The following WHAMM variants were observed in gnomAD, a reference collection of about 807,000 sequenced individuals.
The protein encoded by WHAMM is WASP homolog-associated protein with actin, membranes and microtubules.
WHAMM carries 67 observed loss-of-function variants against 76.5 expected under a neutral mutation model. That is an observed-to-expected ratio of 0.88 (90% confidence interval 0.72 to 1.07). The LOEUF (loss-of-function observed/expected upper bound fraction) is 1.07, where lower values mean the gene tolerates loss of function less well. WHAMM is among the 50% of genes least tolerant of loss of function. The pLI is 0.00. For missense variants in WHAMM, 1,021 were observed against 1,051.1 expected, an observed-to-expected ratio of 0.97 and a Z score of 0.40; for synonymous variants, 419 against 422.1, an observed-to-expected ratio of 0.99 and a Z score of 0.09.
At chr15:82,814,603 A>G (rs2050687731) in intron 2 of WHAMM, among the ~76,000 whole-genome samples, 1 of 151,200 alleles carries the variant, frequency 6.6e-6, no homozygotes, top group South Asian at 2.1e-4. Flanking sequence ...GGCATGTGCC[A>G]CCACGCCCAG....
At chr15:82,832,840 A>C (rs1301175460) in intron 9 of WHAMM, among the ~76,000 whole-genome samples, 1 of 152,210 alleles carries the variant, frequency 6.6e-6, no homozygotes, top group East Asian at 1.9e-4. Flanking sequence ...AAGGAGATAC[A>C]GCTTCAGAGG....
chr15:82,811,913 T>G (rs1234661783), intron 1 of WHAMM, among the ~76,000 whole-genome samples: 1 of 152,220 alleles, frequency 6.6e-6, no homozygotes, highest in Admixed American at 6.5e-5. Flanking sequence ...TAGATCACTT[T>G]ATCCTTAAGC....
At position 82,830,723 on chromosome 15, in the gene WHAMM, C is replaced by A; in HGVS notation, c.1766C>A (p.Ser589Tyr). The A allele has an allele frequency of 1.2e-6, 2 of 1,613,976 alleles. No homozygotes were observed. Among genetic ancestry groups the A allele is most frequent in the Non-Finnish European group, 1.7e-6 (2 of 1,179,898 alleles). Residue 589 changes from serine (S) to tyrosine (Y), a missense_variant, in exon 9 of 10, where the codon TCC (serine) becomes TAC (tyrosine). Physicochemically the swap from Ser to Tyr is moderately radical, Grantham distance 144. Around this residue, in one of 3 missense-constraint regions of WHAMM, gnomAD observed 509 missense variants for 492.3 expected, o/e 1.03. Transcript: ENST00000286760. ...CACGCGGTGTCAGTAATTCACCCGTCCTCTAGGAAAACTAGAGGTGTTCCC... is the reference window on the plus strand; with the variant it reads ...CACGCGGTGTCAGTAATTCACCCGTACTCTAGGAAAACTAGAGGTGTTCCC... ...ASHAVSVIHP[S>Y]SRKTRGVPLS...
intron 9 of WHAMM, 143 bp from the exon 10 acceptor site, chr15:82,833,086 A>T: frequency 1.0e-6 from 1 of 992,040 alleles, no homozygotes. Context: ...GTTAGCACGT[A>T]ATCAAGGCAT....
chr15:82,825,788 C>CA (rs531453908), intron 6 of WHAMM, among the ~76,000 whole-genome samples: 1,749 of 107,462 alleles, frequency 0.016, 18 homozygotes, highest in African/African-American at 0.052. Context: ...AACTCAGTCT[C>CA]AAAAAAAAAA....
intron 1 of WHAMM, among the ~76,000 whole-genome samples, chr15:82,812,005 G>A (rs1300031118): frequency 6.6e-6 from 1 of 152,104 alleles, no homozygotes; most frequent in African/African-American, 2.4e-5. Context: ...CTTCTTCTGG[G>A]AGTAAAATAA....
chr15:82,833,264 G>A lies in WHAMM; in HGVS notation c.2158G>A (p.Gly720Ser), dbSNP rs762305261. The change falls in exon 10 of 10, where the codon GGC becomes AGC. Residue 720 changes from glycine to serine, a missense_variant. Gly to Ser is a moderately conservative substitution (Grantham distance 56). Around this residue, in one of 3 missense-constraint regions of WHAMM, gnomAD observed 509 missense variants for 492.3 expected, o/e 1.03. Transcript: ENST00000286760. ...TGAAGTGTTGGCCTCCTTAAGGCAT[G>A]GCAGAGCTCCTCTCCGGAAGGTGGA... ...MDEVLASLRH[G>S]RAPLRKVEVP... 223 of 1,613,858 alleles carry A rather than the reference G, an allele frequency of 1.4e-4. No homozygotes were observed. Among genetic ancestry groups the A allele is most frequent in the Middle Eastern group, 3.3e-4 (2 of 6,084 alleles).
chr15:82,815,155 A>ATATATAAAAT (rs55807384), intron 2 of WHAMM, among the ~76,000 whole-genome samples: 11 of 46,136 alleles, frequency 2.4e-4, no homozygotes, highest in Admixed American at 2.2e-3. Flanking sequence ...ATATATATAT[A>ATATATAAAAT]GTACAATTCA....
At position 82,823,170 on chromosome 15, in the gene WHAMM, G is replaced by T. The variant is rs769031924; in HGVS notation, c.1341G>T (p.Val447=). The change falls in exon 6 of 10, where the codon GTG becomes GTT. Residue 447 remains valine (V), a synonymous_variant. Coordinates refer to ENST00000286760, the MANE Select transcript of WHAMM (RefSeq NM_001080435.3). ...NPEELKVIDC[V]VGLQDDKNLE... The stretch of plus-strand genomic sequence containing the variant: ...AGGAACTTAAAGTCATTGACTGTGT[G>T]GTGGGGCTGCAGGATGATAAGAATT... The T allele has an allele frequency of 1.3e-6, 2 of 1,569,514 alleles. No homozygotes were observed. Among genetic ancestry groups the T allele is most frequent in the Non-Finnish European group, 1.7e-6 (2 of 1,154,410 alleles).
At chr15:82,832,309 A>G (rs2151575141) in intron 9 of WHAMM, among the ~76,000 whole-genome samples, 1 of 152,344 alleles carries the variant, frequency 6.6e-6, no homozygotes, top group East Asian at 1.9e-4. Context: ...AAGAAGGTAT[A>G]AGTTTAAATC....
intron 5 of WHAMM, 41 bp downstream of exon 5, chr15:82,819,529 AT>A (rs747586222): frequency 5.4e-5 from 56 of 1,027,900 alleles, no homozygotes; most frequent in Admixed American, 8.5e-5. Flanking sequence ...TAAATTATAA[AT>A]TTAAGGAAAT....
chr15:82,830,374 A>G (rs947850585), intron 8 of WHAMM, among the ~76,000 whole-genome samples: 8 of 152,094 alleles, frequency 5.3e-5, no homozygotes, highest in Non-Finnish European at 1.2e-4. Flanking sequence ...TCTTCATTTT[A>G]TTACAGAGAA....
intron 8 of WHAMM, among the ~76,000 whole-genome samples, chr15:82,829,659 G>GGT (rs141826796): frequency 1.9e-4 from 29 of 151,364 alleles, no homozygotes; most frequent in African/African-American, 5.1e-4. Context: ...GATTGCATGG[G>GGT]GTGTGTGTGT....
At chr15:82,811,589 C>T (rs567286322) in intron 1 of WHAMM, among the ~76,000 whole-genome samples, 6 of 152,070 alleles carry the variant, frequency 3.9e-5, no homozygotes, top group Non-Finnish European at 8.8e-5. Flanking sequence ...ACATATTTAT[C>T]TGGAACTTAA....
chr15:82,833,687 T>C lies in WHAMM; in HGVS notation c.*151T>C, dbSNP rs868399102. On this transcript the variant is annotated 3_prime_UTR_variant, in exon 10 of 10. Transcript: ENST00000286760. ...GGGCCTTGTGTAGGCTGCTGCAGCA[T>C]TTTTTTTTTTTTTCTTTTTTGAGAT... 6.3e-5 allele frequency: 12 copies of C among 190,004 alleles called. No individual in the cohort carries two copies. Among genetic ancestry groups the C allele is most frequent in the Middle Eastern group, 2.2e-3 (1 of 446 alleles). 11.8% of individuals were successfully genotyped at this position (190,004 alleles called of 1,614,324 possible). A position where few individuals can be genotyped will look rare whatever the true frequency, so the allele number is the denominator to read the frequency against.
chr15:82,814,295 A>G (rs2050682267), intron 2 of WHAMM, among the ~76,000 whole-genome samples: 1 of 152,194 alleles, frequency 6.6e-6, no homozygotes, highest in African/African-American at 2.4e-5. Flanking sequence ...CCATCTTTCC[A>G]CATATAATCT....
chr15:82,833,499 A>G lies in WHAMM; in HGVS notation c.2393A>G (p.Asp798Gly), dbSNP rs2051073480. 2 of 1,613,746 alleles carry G rather than the reference A, an allele frequency of 1.2e-6. No homozygotes were observed. Among genetic ancestry groups the G allele is most frequent in the Non-Finnish European group, 1.7e-6 (2 of 1,179,828 alleles). ...IKRVSADSEE[D>G]SDEQDPGQWD... is the part of the protein sequence containing the mutation. ...AGGGTGTCTGCTGACTCTGAGGAGG[A>G]CAGTGATGAGCAGGACCCTGGCCAG... The change falls in exon 10 of 10, where the codon GAC (aspartate) becomes GGC (glycine). Residue 798 changes from aspartate to glycine, a missense_variant. By Grantham distance (94) the Asp-to-Gly change is moderately conservative (BLOSUM62 -1). Transcript: ENST00000286760.
In WHAMM at chr15:82,816,785, G is replaced by T. The variant is rs759754427; in HGVS notation, c.877G>T (p.Val293Phe). ...EWTRRAEEAV[V>F]SIQDITVNYF... ...GACCAGACGGGCTGAAGAAGCTGTCGTCTCTATTCAGGATATCACAGTGAA... is the reference window on the plus strand; with the variant it reads ...GACCAGACGGGCTGAAGAAGCTGTCTTCTCTATTCAGGATATCACAGTGAA... Residue 293 changes from valine (V) to phenylalanine (F), a missense_variant, in exon 3 of 10, where the codon GTC becomes TTC. Coordinates refer to ENST00000286760, the MANE Select transcript of WHAMM (RefSeq NM_001080435.3). The T allele has an allele frequency of 1.9e-6, 3 of 1,563,440 alleles. No individual in the cohort carries two copies. Among genetic ancestry groups the T allele is most frequent in the Non-Finnish European group, 2.6e-6 (3 of 1,152,680 alleles).
chr15:82,809,736 G>C lies in WHAMM; in HGVS notation c.10G>C (p.Glu4Gln), dbSNP rs776578702. Residue 4 changes from glutamate to glutamine, a missense_variant, in exon 1 of 10, where the codon GAG becomes CAG. Physicochemically the swap from Glu to Gln is conservative, Grantham distance 29 (BLOSUM62 2). Transcript: ENST00000286760. MED[E>Q]QPDSLEGWVP... ...GCTGCTGCCGACAGCCATGGAGGAC[G>C]AGCAGCCTGACAGCCTGGAGGGCTG... 9 of 1,527,390 alleles carry C rather than the reference G, an allele frequency of 5.9e-6. No homozygotes were observed. The highest frequency in any genetic ancestry group is 7.9e-6 in the Non-Finnish European group (9 of 1,137,542). 94.6% of individuals were successfully genotyped at this position (1,527,390 alleles called of 1,614,324 possible).
Sources: allele counts gnomAD v4.1 joint callset (sites outside exome capture counted in the v4.1 genomes callset), GRCh38; gene constraint gnomAD v4.1.1; regional missense constraint gnomAD v4.1.1; transcripts MANE v1.5; gene names NCBI Gene and HGNC (gene_info 2026-07-23, HGNC 2026-07-21).